The following AP1G2 variants were observed in gnomAD, a reference collection of about 807,000 sequenced individuals.
AP1G2 encodes adaptor related protein complex 1 subunit gamma 2, also known as AP-1 complex subunit gamma-like 2.
In AP1G2, 85 loss-of-function variants were observed where a neutral mutation model predicts 95.8. The ratio of observed to expected loss-of-function variants is 0.89; its 90% CI spans 0.74 to 1.06. The LOEUF (loss-of-function observed/expected upper bound fraction) is 1.06. Ranked by LOEUF, AP1G2 falls within the 50% of genes least tolerant of loss-of-function variation. AP1G2 has a pLI of 0.00. For synonymous variants in AP1G2, 378 were observed against 400.0 expected, an observed-to-expected ratio of 0.94 and a Z score of 0.66; for missense variants, 967 against 1,005.8, an observed-to-expected ratio of 0.96 and a Z score of 0.52.
chr14:23,565,835 G>T lies in AP1G2; in HGVS notation c.626C>A (p.Ala209Asp). The change falls in exon 6 of 22, where the codon GCC (alanine) becomes GAC (aspartate). Residue 209 changes from alanine to aspartate, a missense_variant. Ala to Asp is a moderately radical substitution (Grantham distance 126). Coordinates refer to ENST00000397120, the MANE Select transcript of AP1G2 (RefSeq NM_003917.5). ...GCCCACCTTTCGGAAGTGCCTGAGG[G>T]CTGCAGGGCTTCGTTCGCAGAGCTC... The part of the protein sequence containing the change: ...ITELCERSPA[A>D]LRHFRKVVPQ... 1 of 1,577,724 alleles carries T rather than the reference G, an allele frequency of 6.3e-7. No individual in the cohort carries two copies.
chr14:23,563,161 G>A, intron 14 of AP1G2: 2 of 1,425,226 alleles, frequency 1.4e-6, no homozygotes, highest in East Asian at 2.5e-5. Flanking sequence ...TGGAGCATAA[G>A]GGAAGTTAGT....
At chr14:23,566,468 C>A in intron 3 of AP1G2, 49 bp from the exon 4 acceptor site, 1 of 1,607,268 alleles carries the variant, frequency 6.2e-7, no homozygotes, top group South Asian at 1.1e-5. Flanking sequence ...AAAATCAGTC[C>A]TTTTCAATAC....
chr14:23,566,218 A>T, intron 4 of AP1G2, 58 bp from the exon 5 acceptor site: 4 of 1,604,904 alleles, frequency 2.5e-6, no homozygotes, highest in Non-Finnish European at 3.4e-6. Flanking sequence ...TGCATCTACT[A>T]CTATATAGCA....
At chr14:23,560,119 T>C in intron 20 of AP1G2, 83 bp from the exon 21 acceptor site, 2 of 1,415,568 alleles carry the variant, frequency 1.4e-6, no homozygotes, top group Non-Finnish European at 2.0e-6. Context: ...CTCCACACCC[T>C]TTTCCTGTAA....
In AP1G2 at chr14:23,559,705, G is replaced by C. The variant is rs1475449896; in HGVS notation, c.*44C>G. 6.3e-7 allele frequency: 1 copy of C among 1,598,178 alleles called. No homozygotes were observed. The highest frequency in any genetic ancestry group is 8.6e-7 in the Non-Finnish European group (1 of 1,168,222). On this transcript the variant is annotated 3_prime_UTR_variant, in exon 22 of 22. Transcript: ENST00000397120. ...AGGTTCGAAGCTGCTGGGGCCCCCTGGGGTTTGGGACACAGGAGAATTTCA... is the reference window on the plus strand; with the variant it reads ...AGGTTCGAAGCTGCTGGGGCCCCCTCGGGTTTGGGACACAGGAGAATTTCA...
rs747998108 is a variant in AP1G2, at chr14:23,559,717, A to C, written c.*32T>G. 6.2e-6 allele frequency: 10 copies of C among 1,607,782 alleles called. No homozygotes were observed. The highest frequency in any genetic ancestry group is 8.5e-6 in the Non-Finnish European group (10 of 1,175,372). On this transcript the variant is annotated 3_prime_UTR_variant, in exon 22 of 22. Coordinates refer to ENST00000397120, the MANE Select transcript of AP1G2 (RefSeq NM_003917.5). ...GCTGGGGCCCCCTGGGGTTTGGGAC[A>C]CAGGAGAATTTCAGGCTGTGAGTGG...
At chr14:23,562,441 C>T in intron 15 of AP1G2, 26 bp from the exon 16 acceptor site, 8 of 1,614,022 alleles carry the variant, frequency 5.0e-6, no homozygotes, top group Non-Finnish European at 6.8e-6. Flanking sequence ...CAGTTAGTGG[C>T]CCTGGTGCAA....
chr14:23,561,461 G>A, intron 18 of AP1G2, 30 bp from the exon 19 acceptor site: 2 of 1,613,966 alleles, frequency 1.2e-6, no homozygotes, highest in Non-Finnish European at 1.7e-6. Flanking sequence ...GGGCAGGGCT[G>A]GGTATGAAGC....
At position 23,566,074 on chromosome 14, in the gene AP1G2, C is replaced by G. The variant is rs1412383675; in HGVS notation, c.558G>C (p.Glu186Asp). Residue 186 changes from glutamate (E) to aspartate (D), a missense_variant, in exon 5 of 22, where the codon GAG becomes GAC. Coordinates refer to ENST00000397120, the MANE Select transcript of AP1G2 (RefSeq NM_003917.5). The part of the protein sequence containing the change: ...FLPPCAQLLH[E>D]RHHGILLGTI... ...GCCCCACAGCCTTACCATGGTGACG[C>G]TCATGAAGCAGTTGGGCACAGGGTG... is the stretch of plus-strand genomic sequence containing the variant. 1.2e-6 allele frequency: 2 copies of G among 1,614,164 alleles called. No homozygotes were observed. The highest frequency in any genetic ancestry group is 2.2e-5 in the South Asian group (2 of 91,084).
At chr14:23,564,718 T>G (rs1480677346) in intron 8 of AP1G2, 58 bp from the exon 9 acceptor site, 1 of 1,505,756 alleles carries the variant, frequency 6.6e-7, no homozygotes, top group Non-Finnish European at 9.2e-7. Flanking sequence ...TCTCCTTTTT[T>G]TGATACAGGG....
chr14:23,564,326 C>G lies in AP1G2; in HGVS notation c.977+7G>C, dbSNP rs748301918. On this transcript the variant is annotated splice_region_variant and intron_variant, in intron 10 of 21. Transcript: ENST00000397120. ...GCACAGCCTAGGTAGACAGTTGGGA[C>G]TATTACCTAATGTTCCTGTCACTGT... 1.2e-6 allele frequency: 2 copies of G among 1,614,120 alleles called. No individual in the cohort carries two copies. Among genetic ancestry groups the G allele is most frequent in the Non-Finnish European group, 1.7e-6 (2 of 1,179,972 alleles).
At position 23,564,103 on chromosome 14, in the gene AP1G2, T is replaced by G. The variant is rs368909897; in HGVS notation, c.1034A>C (p.Gln345Pro). The G allele has an allele frequency of 6.2e-7, 1 of 1,614,218 alleles. No homozygotes were observed. The change falls in exon 11 of 22, where the codon CAG becomes CCG. Residue 345 changes from glutamine (Q) to proline (P), a missense_variant. By Grantham distance (76) the Gln-to-Pro change is moderately conservative. Coordinates refer to ENST00000397120, the MANE Select transcript of AP1G2 (RefSeq NM_003917.5). ...RLVQSDHSAVQRHRPTVVECL... is the reference protein window; with the variant it reads ...RLVQSDHSAVPRHRPTVVECL... ...TTCCACCACAGTGGGCCGATGCCGC[T>G]GCACAGCACTGTGATCAGACTGCAC...
At position 23,565,868 on chromosome 14, in the gene AP1G2, A is replaced by G. The variant is rs1298527707; in HGVS notation, c.593T>C (p.Leu198Pro). 7 of 1,579,668 alleles carry G rather than the reference A, an allele frequency of 4.4e-6. No homozygotes were observed. The highest frequency in any genetic ancestry group is 2.3e-5 in the South Asian group (2 of 85,528). Residue 198 changes from leucine to proline, a missense_variant, in exon 6 of 22, where the codon CTG becomes CCG. Physicochemically the swap from Leu to Pro is moderately conservative, Grantham distance 98 (BLOSUM62 -3). Coordinates refer to ENST00000397120, the MANE Select transcript of AP1G2 (RefSeq NM_003917.5). ...HHGILLGTIT[L>P]ITELCERSPA... Reference sequence around the variant, plus strand: ...GCTTCGTTCGCAGAGCTCCGTGATCAGCGTGATGGTGCCCAGCAGGATGCC... The same window carrying G: ...GCTTCGTTCGCAGAGCTCCGTGATCGGCGTGATGGTGCCCAGCAGGATGCC...
In AP1G2 at chr14:23,564,634, T is replaced by C; in HGVS notation, c.849A>G (p.Arg283=). The C allele has an allele frequency of 7.4e-6, 12 of 1,613,784 alleles. No individual in the cohort carries two copies. The highest frequency in any genetic ancestry group is 9.3e-6 in the Non-Finnish European group (11 of 1,179,996). Residue 283 remains arginine, a synonymous_variant, in exon 9 of 22, where the codon CGA becomes CGG. Transcript: ENST00000397120. Reference sequence around the variant, plus strand: ...CAAACAGGACCGCATTTCCGGCATTTCGGCTGGTGTCCGTGTTAGTGGCCA... The same window carrying C: ...CAAACAGGACCGCATTTCCGGCATTCCGGCTGGTGTCCGTGTTAGTGGCCA... ...AQVATNTDTS[R]NAGNAVLFET... is the part of the protein sequence containing the mutation.
In AP1G2 at chr14:23,562,382, T is replaced by G. The variant is rs201264242; in HGVS notation, c.1534A>C (p.Lys512Gln). The change falls in exon 16 of 22, where the codon AAG becomes CAG. Residue 512 changes from lysine (K) to glutamine (Q), a missense_variant. Coordinates refer to ENST00000397120, the MANE Select transcript of AP1G2 (RefSeq NM_003917.5). ...DEEEVLALLEKVLQSHMSLPA... is the reference protein window; with the variant it reads ...DEEEVLALLEQVLQSHMSLPA... ...AGGGACATGTGGGACTGCAGCACCT[T>G]TTCCAGCAATGCCAGCACTTCCTCT... The G allele has an allele frequency of 6.2e-7, 1 of 1,614,150 alleles. No individual in the cohort carries two copies. Among genetic ancestry groups the G allele is most frequent in the Admixed American group, 1.7e-5 (1 of 60,026 alleles).
intron 9 of AP1G2, 36 bp from the exon 10 acceptor site, chr14:23,564,424 A>G: frequency 1.9e-6 from 3 of 1,613,032 alleles, no homozygotes; most frequent in Non-Finnish European, 2.5e-6. Flanking sequence ...GTCGGAAAGG[A>G]GCAACCTGCT....
Position 23,567,192 on chromosome 14 carries a change from GTCGC to G in AP1G2, c.119_122del (p.Arg40ProfsTer32), listed in dbSNP as rs1888470941. 6.2e-7 allele frequency: 1 copy of G among 1,612,896 alleles called. No homozygotes were observed. Among genetic ancestry groups the G allele is most frequent in the Non-Finnish European group, 8.5e-7 (1 of 1,179,314 alleles). On this transcript the variant is annotated frameshift_variant, in exon 2 of 22. Coordinates refer to ENST00000397120, the MANE Select transcript of AP1G2 (RefSeq NM_003917.5). LOFTEE classifies it high-confidence loss of function. The surrounding 1 kb of genome is among the most constrained non-coding windows in gnomAD (Gnocchi z 5.3). Reference sequence around the variant, plus strand: ...GCCGGTGCCTGTGCACTGGGTCCCCGTCGCGGAAGGAGGCCCGGATGTGGGCACA... The same window carrying G: ...GCCGGTGCCTGTGCACTGGGTCCCCGGGAAGGAGGCCCGGATGTGGGCACA...
Position 23,563,642 on chromosome 14 carries a change from G to C in AP1G2, c.1233-4C>G. ...CCAGCGTTTGGTTGGAGCAAACCTA[G>C]GGGATATATGGCTCATCAGTCCTGG... On this transcript the variant is annotated splice_polypyrimidine_tract_variant and splice_region_variant and intron_variant, in intron 12 of 21. Coordinates refer to ENST00000397120, the MANE Select transcript of AP1G2 (RefSeq NM_003917.5). The C allele has an allele frequency of 6.2e-7, 1 of 1,614,202 alleles. No homozygotes were observed. Among genetic ancestry groups the C allele is most frequent in the Non-Finnish European group, 8.5e-7 (1 of 1,180,048 alleles).
intron 18 of AP1G2, 30 bp downstream of exon 18, chr14:23,561,482 T>G (rs1296209087): frequency 3.1e-6 from 5 of 1,613,986 alleles, no homozygotes; most frequent in Non-Finnish European, 4.2e-6. Context: ...TCAGCCCGTC[T>G]TCCTACCCCA....
Sources: gnomAD v4.1 joint callset for allele counts on GRCh38, gnomAD v4.1.1 for gene constraint, Gnocchi (gnomAD v3.1) non-coding constraint, MANE v1.5 for transcripts, NCBI Gene and HGNC (gene_info 2026-07-23, HGNC 2026-07-21) for gene names.